The following KIF20A variants were observed in gnomAD, a reference collection of about 807,000 sequenced individuals.
KIF20A encodes kinesin family member 20A, also known as kinesin-like protein KIF20A.
KIF20A carries 66 observed loss-of-function variants against 113.0 expected under a neutral mutation model. The observed-to-expected ratio is 0.58, with a 90% CI of 0.48 to 0.72. The LOEUF is 0.72. Ranked by LOEUF, KIF20A falls within the 30% of genes least tolerant of loss-of-function variation. KIF20A has a pLI of 0.00. For synonymous variants in KIF20A, 376 were observed against 402.3 expected (o/e 0.93, Z 0.78); for missense variants, 927 against 1,077.6 (o/e 0.86, Z 1.96).
In KIF20A at chr5:138,184,335, T is replaced by C. The variant is rs1475325027; in HGVS notation, c.1449T>C (p.Asn483=). The C allele has an allele frequency of 6.2e-7, 1 of 1,614,094 alleles. No homozygotes were observed. The highest frequency in any genetic ancestry group is 8.5e-7 in the Non-Finnish European group (1 of 1,180,038). ...GAGGCCGTTCCTGCATGATTGTCAATGTGAATCCCTGTGCATCTACCTATG... is the reference window on the plus strand; with the variant it reads ...GAGGCCGTTCCTGCATGATTGTCAACGTGAATCCCTGTGCATCTACCTATG... ...TGRGRSCMIV[N]VNPCASTYDE... is the part of the protein sequence containing the mutation. Residue 483 remains asparagine (N), a synonymous_variant, in exon 12 of 19, where the codon AAT becomes AAC. Transcript: ENST00000394894.
Position 138,187,271 on chromosome 5 carries a change from C to G in KIF20A, c.2531C>G (p.Pro844Arg). 6.2e-7 allele frequency: 1 copy of G among 1,614,160 alleles called. No individual in the cohort carries two copies. Among genetic ancestry groups the G allele is most frequent in the Non-Finnish European group, 8.5e-7 (1 of 1,180,032 alleles). Residue 844 changes from proline to arginine, a missense_variant, in exon 19 of 19, where the codon CCA (proline) becomes CGA (arginine). Coordinates refer to ENST00000394894, the MANE Select transcript of KIF20A (RefSeq NM_005733.3). ...AATCAGCAACCAAACCAACAACCACCAGGGAAGAAACCATTCCTTCGAAAT... is the reference window on the plus strand; with the variant it reads ...AATCAGCAACCAAACCAACAACCACGAGGGAAGAAACCATTCCTTCGAAAT... ...QENQQPNQQP[P>R]GKKPFLRNLL...
chr5:138,184,065 G>A lies in KIF20A; in HGVS notation c.1312G>A (p.Gly438Ser), dbSNP rs1171040848. The change falls in exon 11 of 19, where the codon GGC (glycine) becomes AGC (serine). Residue 438 changes from glycine (G) to serine (S), a missense_variant. Physicochemically the swap from Gly to Ser is moderately conservative, Grantham distance 56 (BLOSUM62 0). Transcript: ENST00000394894. ...CATTAACACCTCTCTACACACCCTG[G>A]GCCGCTGTATTGCTGCCCTTCGTCA... ...GNINTSLHTLGRCIAALRQNQ... is the reference protein window; with the variant it reads ...GNINTSLHTLSRCIAALRQNQ... The A allele has an allele frequency of 6.2e-7, 1 of 1,614,006 alleles. No homozygotes were observed. Among genetic ancestry groups the A allele is most frequent in the African/African-American group, 1.3e-5 (1 of 74,904 alleles).
intron 18 of KIF20A, 81 bp from the exon 19 acceptor site, chr5:138,187,015 G>T: frequency 1.0e-6 from 1 of 1,000,230 alleles, no homozygotes; most frequent in Non-Finnish European, 1.5e-6. Flanking sequence ...AGTAATGGAT[G>T]GTATGTATTA....
In KIF20A at chr5:138,186,318, C is replaced by G; in HGVS notation, c.2242C>G (p.Leu748Val). The G allele has an allele frequency of 1.3e-6, 2 of 1,598,052 alleles. No individual in the cohort carries two copies. Among genetic ancestry groups the G allele is most frequent in the Non-Finnish European group, 1.7e-6 (2 of 1,176,532 alleles). Residue 748 changes from leucine (L) to valine (V), a missense_variant, in exon 18 of 19, where the codon CTT (leucine) becomes GTT (valine). Coordinates refer to ENST00000394894, the MANE Select transcript of KIF20A (RefSeq NM_005733.3). ...QKNIRLLRTE[L>V]QKLGESLQSA... ...GAATATAAGGCTGTTGCGGACAGAG[C>G]TTCAGAAACTTGGTGAGTCTCTCCA...
Position 138,184,800 on chromosome 5 carries a change from C to A in KIF20A, c.1684-7C>A. ...CTGATGACCTCTGACATGTGTGTCT[C>A]TCCTAGGAGCTCCTACAAGTTGTGG... On this transcript the variant is annotated splice_polypyrimidine_tract_variant and splice_region_variant and intron_variant, in intron 13 of 18. Coordinates refer to ENST00000394894, the MANE Select transcript of KIF20A (RefSeq NM_005733.3). 6.2e-7 allele frequency: 1 copy of A among 1,613,750 alleles called. No homozygotes were observed. The highest frequency in any genetic ancestry group is 8.5e-7 in the Non-Finnish European group (1 of 1,179,772).
chr5:138,181,060 G>T (rs768882966), intron 2 of KIF20A, among the ~76,000 whole-genome samples: 9 of 152,222 alleles, frequency 5.9e-5, no homozygotes, highest in Non-Finnish European at 1.3e-4. Flanking sequence ...AGAATTTCAA[G>T]AACTCATAAT....
At chr5:138,181,189 A>G (rs1754655950) in intron 2 of KIF20A, among the ~76,000 whole-genome samples, 1 of 152,270 alleles carries the variant, frequency 6.6e-6, no homozygotes, top group East Asian at 1.9e-4. Flanking sequence ...AACTCAGATC[A>G]TCGGTGTGGC....
In KIF20A at chr5:138,184,619, C is replaced by T. The variant is rs779738411; in HGVS notation, c.1626C>T (p.Asp542=). The T allele has an allele frequency of 1.9e-6, 3 of 1,614,038 alleles. No individual in the cohort carries two copies. The highest frequency in any genetic ancestry group is 1.7e-5 in the Admixed American group (1 of 59,998). The change falls in exon 13 of 19, where the codon GAC becomes GAT. Residue 542 remains aspartate (D), a synonymous_variant. Coordinates refer to ENST00000394894, the MANE Select transcript of KIF20A (RefSeq NM_005733.3). Reference sequence around the variant, plus strand: ...GCTTAGAGAAAGGGGCTAAGGCAGACACAGGCCTTGATGATGATATTGAAA... The same window carrying T: ...GCTTAGAGAAAGGGGCTAAGGCAGATACAGGCCTTGATGATGATATTGAAA... ...SPSLEKGAKA[D]TGLDDDIENE... is the part of the protein sequence containing the mutation.
In KIF20A at chr5:138,185,673, A is replaced by G. The variant is rs1754732266; in HGVS notation, c.2088A>G (p.Leu696=). Residue 696 remains leucine, a synonymous_variant, in exon 16 of 19, where the codon TTA becomes TTG. Coordinates refer to ENST00000394894, the MANE Select transcript of KIF20A (RefSeq NM_005733.3). ...AGCTTCAGGAGGTTAAAGCTAAATT[A>G]CAGCAGTGCAAAGCAGAGCTAAACT... The part of the protein sequence containing the change: ...TQQLQEVKAK[L]QQCKAELNST... 6.2e-7 allele frequency: 1 copy of G among 1,614,086 alleles called. No individual in the cohort carries two copies. Among genetic ancestry groups the G allele is most frequent in the African/African-American group, 1.3e-5 (1 of 74,952 alleles).
chr5:138,187,106 T>C lies in KIF20A; in HGVS notation c.2366T>C (p.Leu789Pro), dbSNP rs1276323461. 1 of 1,609,006 alleles carries C rather than the reference T, an allele frequency of 6.2e-7. No homozygotes were observed. The highest frequency in any genetic ancestry group is 1.3e-5 in the African/African-American group (1 of 74,754). The stretch of plus-strand genomic sequence containing the variant: ...ATTGATCTTCCTTAGGACCAGACTC[T>C]GGCTGAACTGCAGAACAACATGGTG... ...DDILIKQDQT[L>P]AELQNNMVLV... The change falls in exon 19 of 19, where the codon CTG becomes CCG. Residue 789 changes from leucine (L) to proline (P), a missense_variant. Coordinates refer to ENST00000394894, the MANE Select transcript of KIF20A (RefSeq NM_005733.3).
chr5:138,186,612 G>C (rs1002365074), intron 18 of KIF20A, among the ~76,000 whole-genome samples, 181 bp downstream of exon 18: 3 of 152,200 alleles, frequency 2.0e-5, no homozygotes, highest in African/African-American at 7.2e-5. Context: ...ACCAGGCACT[G>C]TGCTAAGTAA....
At position 138,179,956 on chromosome 5, in the gene KIF20A, A is replaced by G; in HGVS notation, c.165+111A>G. ...TAGCAATCCTAAAGGTCTGAGATCA[A>G]TTCAAAATTAAGGGCATTTAGGACA... is the stretch of plus-strand genomic sequence containing the variant. On this transcript the variant is annotated intron_variant, in intron 2 of 18. Transcript: ENST00000394894. 2.7e-6 allele frequency: 3 copies of G among 1,131,788 alleles called. No individual in the cohort carries two copies. In the South Asian group the frequency reaches 5.8e-5, roughly 22 times the overall value. 70.1% of individuals were successfully genotyped at this position (1,131,788 alleles called of 1,614,324 possible).
intron 2 of KIF20A, among the ~76,000 whole-genome samples, chr5:138,180,974 G>A (rs1754652140): frequency 6.6e-6 from 1 of 152,226 alleles, no homozygotes; most frequent in South Asian, 2.1e-4. Context: ...CCTGCACCCA[G>A]CCTCTAAGTA....
chr5:138,180,575 G>T (rs1754642677), intron 2 of KIF20A, among the ~76,000 whole-genome samples: 1 of 152,208 alleles, frequency 6.6e-6, no homozygotes, highest in Non-Finnish European at 1.5e-5. Flanking sequence ...AAAGTTCCAT[G>T]AGAGCATGGT....
chr5:138,183,464 C>G lies in KIF20A; in HGVS notation c.1028-6C>G. 6.2e-7 allele frequency: 1 copy of G among 1,613,464 alleles called. No homozygotes were observed. The highest frequency in any genetic ancestry group is 1.1e-5 in the South Asian group (1 of 91,062). On this transcript the variant is annotated splice_region_variant and splice_polypyrimidine_tract_variant and intron_variant, in intron 8 of 18. Coordinates refer to ENST00000394894, the MANE Select transcript of KIF20A (RefSeq NM_005733.3). This position sits in a 1 kb window ranked among gnomAD's most constrained non-coding sequence, Gnocchi z 5.2. ...CCCATCTTACACCCCTCTCCTTTGG[C>G]CCCAGATCTCAACTGGATTCATGTG...
At position 138,183,961 on chromosome 5, in the gene KIF20A, G is replaced by T. The variant is rs931634725; in HGVS notation, c.1209-1G>T. 1.2e-6 allele frequency: 2 copies of T among 1,614,146 alleles called. No homozygotes were observed. Among genetic ancestry groups the T allele is most frequent in the Non-Finnish European group, 1.7e-6 (2 of 1,180,014 alleles). ...ATGTCAGATCCTGTGCATCATTCTA[G>T]GCTGTCACTCTGTGATCTGGCTGGC... On this transcript the variant is annotated splice_acceptor_variant, in intron 10 of 18. Coordinates refer to ENST00000394894, the MANE Select transcript of KIF20A (RefSeq NM_005733.3). LOFTEE classifies it high-confidence loss of function. This position sits in a 1 kb window ranked among gnomAD's most constrained non-coding sequence, Gnocchi z 5.2.
At chr5:138,185,342 A>G (rs1754727361) in intron 15 of KIF20A, 145 bp downstream of exon 15, 2 of 850,490 alleles carry the variant, frequency 2.4e-6, no homozygotes, top group South Asian at 1.6e-5. Flanking sequence ...TTTGGGTTCA[A>G]TCTATGTTTG....
At position 138,185,500 on chromosome 5, in the gene KIF20A, C is replaced by T; in HGVS notation, c.1927-12C>T. 2 of 1,612,414 alleles carry T rather than the reference C, an allele frequency of 1.2e-6. No individual in the cohort carries two copies. The highest frequency in any genetic ancestry group is 1.1e-5 in the South Asian group (1 of 90,978). On this transcript the variant is annotated splice_polypyrimidine_tract_variant and intron_variant, in intron 15 of 18. Transcript: ENST00000394894. ...GCTCTGCAAAGAATTGTGCTCTCTG[C>T]TTCCCTCTTAGGAGCGGGATGAAAA...
In KIF20A at chr5:138,185,643, C is replaced by T. The variant is rs1308611729; in HGVS notation, c.2058C>T (p.Thr686=). 6.2e-7 allele frequency: 1 copy of T among 1,614,134 alleles called. No individual in the cohort carries two copies. The highest frequency in any genetic ancestry group is 2.2e-5 in the East Asian group (1 of 44,886). ...AAAGGTTGGCAGCTTCTGCCTCCAC[C>T]CAGCAGCTTCAGGAGGTTAAAGCTA... ...RSQRLAASAS[T]QQLQEVKAKL... The change falls in exon 16 of 19, where the codon ACC becomes ACT. Residue 686 remains threonine (T), a synonymous_variant. Transcript: ENST00000394894.
Sources: allele counts gnomAD v4.1 joint callset (sites outside exome capture counted in the v4.1 genomes callset), GRCh38; gene constraint gnomAD v4.1.1; non-coding constraint Gnocchi (gnomAD v3.1); transcripts MANE v1.5; gene names NCBI Gene and HGNC (gene_info 2026-07-23, HGNC 2026-07-21).